Variants in ZNF506 observed in about 807,000 individuals in gnomAD.
ZNF506 encodes zinc finger protein 506.
A neutral mutation model predicts 11.6 loss-of-function variants in ZNF506; 10 were observed. The observed-to-expected ratio is 0.86, with a 90% CI of 0.53 to 1.46. The LOEUF (loss-of-function observed/expected upper bound fraction) is 1.46. Ranked by LOEUF, ZNF506 falls within the 40% of genes most tolerant of loss-of-function variation. The pLI is 0.00. For missense variants in ZNF506, 425 were observed against 521.2 expected, an observed-to-expected ratio of 0.82 and a Z score of 1.80; for synonymous variants, 156 against 173.3, an observed-to-expected ratio of 0.90 and a Z score of 0.78.
At chr19:19,814,439 C>A (rs1460704991) in intron 1 of ZNF506, among the ~76,000 whole-genome samples, 4 of 78,762 alleles carry the variant, frequency 5.1e-5, no homozygotes, top group Non-Finnish European at 1.0e-4. Flanking sequence ...AATAATAATG[C>A]AGAAACAGAA....
chr19:19,807,716 T>C (rs1481639031), intron 1 of ZNF506, among the ~76,000 whole-genome samples: 3 of 151,890 alleles, frequency 2.0e-5, no homozygotes, highest in Non-Finnish European at 2.9e-5. Flanking sequence ...TCCATGTTGG[T>C]CAGGCTGCTC....
At chr19:19,819,109 G>A (rs2062952506) in intron 1 of ZNF506, among the ~76,000 whole-genome samples, 1 of 152,126 alleles carries the variant, frequency 6.6e-6, no homozygotes, top group South Asian at 2.1e-4. Context: ...TACCCTCCCA[G>A]GAGACACCGC....
chr19:19,806,159 G>A (rs2062834383), intron 2 of ZNF506, 33 bp from the exon 3 acceptor site: 1 of 1,491,422 alleles, frequency 6.7e-7, no homozygotes, highest in South Asian at 1.2e-5. Flanking sequence ...TATGAATCTT[G>A]CTCATATTCT....
rs2062731907 is a variant in ZNF506 at position 19,795,382 on chromosome 19, CA to C, written c.504del (p.Gly169GlufsTer8). Reference protein sequence around the residue: ...SNSNKHKIRDTGKKSFKCIEY... With the variant: ...SNSNKHKIRDXGKKSFKCIEY... ...TCTATACATTTAAAAGATTTTTTTC[CA>C]GTATCTCTTATCTTATGTTTGTTTG... On this transcript the variant is annotated frameshift_variant, in exon 4 of 4. Transcript: ENST00000540806. LOFTEE classifies it low-confidence loss of function (END_TRUNC). 1 of 1,606,658 alleles carries C rather than the reference CA, an allele frequency of 6.2e-7. No homozygotes were observed. Among genetic ancestry groups the C allele is most frequent in the African/African-American group, 1.3e-5 (1 of 74,498 alleles).
At chr19:19,819,110 G>T (rs563150157) in intron 1 of ZNF506, among the ~76,000 whole-genome samples, 5 of 152,208 alleles carry the variant, frequency 3.3e-5, no homozygotes, top group African/African-American at 9.6e-5. Flanking sequence ...ACCCTCCCAG[G>T]AGACACCGCG....
chr19:19,799,161 T>A, intron 3 of ZNF506: 1 of 285,086 alleles, frequency 3.5e-6, no homozygotes, highest in Non-Finnish European at 6.4e-6. Flanking sequence ...TATGACAAAT[T>A]TGTTTATCCA....
intron 3 of ZNF506, among the ~76,000 whole-genome samples, chr19:19,805,284 C>CA (rs1000364193): frequency 1.3e-4 from 19 of 148,514 alleles, no homozygotes; most frequent in East Asian, 2.0e-4. Context: ...GGAGGTAATA[C>CA]AAAAAAAAAG....
At chr19:19,815,353 T>C (rs1461639105) in intron 1 of ZNF506, among the ~76,000 whole-genome samples, 2 of 152,108 alleles carry the variant, frequency 1.3e-5, no homozygotes, top group African/African-American at 2.4e-5. Flanking sequence ...GACATGTCAA[T>C]GTCTAGTGTG....
chr19:19,811,191 A>G (rs1165295983), intron 1 of ZNF506, among the ~76,000 whole-genome samples: 1 of 152,100 alleles, frequency 6.6e-6, no homozygotes, highest in East Asian at 1.9e-4. Flanking sequence ...ATGCAGTCTC[A>G]CTCTGTCACC....
intron 3 of ZNF506, 81 bp from the exon 4 acceptor site, chr19:19,795,741 T>C: frequency 3.8e-6 from 5 of 1,309,666 alleles, no homozygotes; most frequent in Non-Finnish European, 5.1e-6. Context: ...TATAAAATTA[T>C]ACAAACTACG....
chr19:19,797,710 C>T (rs894192554), intron 3 of ZNF506: 2 of 151,950 alleles, frequency 1.3e-5, no homozygotes, highest in African/African-American at 2.4e-5. Context: ...AAACAAAATT[C>T]CAAAAATCAC....
At position 19,811,439 on chromosome 19, in the gene ZNF506, G is replaced by A. The variant is rs565637143; in HGVS notation, c.4-4371C>T. On this transcript the variant is annotated intron_variant, in intron 1 of 3. Transcript: ENST00000540806. ...TCTCAAGTGCTGGGAATACAGGCAT[G>A]AGCCACTGTGCCTGGCCTTTCTAGG... Among the ~76,000 whole-genome samples the A allele has an allele frequency of 1.8e-4, 28 of 152,314 alleles. No individual in the cohort carries two copies. The South Asian group carries it at 5.8e-3, about 32-fold the overall frequency.
chr19:19,809,617 C>T (rs538105059), intron 1 of ZNF506, among the ~76,000 whole-genome samples: 1 of 152,306 alleles, frequency 6.6e-6, no homozygotes, highest in African/African-American at 2.4e-5. Context: ...AAAAGGTTAA[C>T]CCATTTCTGT....
At chr19:19,809,301 T>C (rs867475426) in intron 1 of ZNF506, among the ~76,000 whole-genome samples, 2 of 152,210 alleles carry the variant, frequency 1.3e-5, no homozygotes, top group African/African-American at 2.4e-5. Flanking sequence ...TCAGAGACCC[T>C]TGACTATCAT....
At chr19:19,798,321 A>G (rs2062759618) in intron 3 of ZNF506, 1 of 152,178 alleles carries the variant, frequency 6.6e-6, no homozygotes, top group African/African-American at 2.4e-5. Context: ...TGGATCTTTT[A>G]GAGGTTTTAG....
At position 19,792,778 on chromosome 19, in the gene ZNF506, G is replaced by T. The variant is rs1160100560; in HGVS notation, c.*1774C>A. ...TTTTGAAAAAAAAAGTTTTAAAATG[G>T]TCTGCCAACATGTTAATGTAGGTTA... On this transcript the variant is annotated 3_prime_UTR_variant, in exon 4 of 4. Transcript: ENST00000540806. 6.6e-6 allele frequency among the ~76,000 whole-genome samples: 1 copy of T among 151,378 alleles called. No individual in the cohort carries two copies. The highest frequency in any genetic ancestry group is 6.6e-5 in the Admixed American group (1 of 15,214).
chr19:19,808,700 G>A (rs1054341542), intron 1 of ZNF506, among the ~76,000 whole-genome samples: 6 of 151,126 alleles, frequency 4.0e-5, no homozygotes, highest in East Asian at 2.0e-4. Context: ...AAAATTAGCC[G>A]GGCGTGGTGG....
At chr19:19,811,055 G>C (rs2062879263) in intron 1 of ZNF506, among the ~76,000 whole-genome samples, 1 of 151,972 alleles carries the variant, frequency 6.6e-6, no homozygotes, top group South Asian at 2.1e-4. Flanking sequence ...TAAAAGAAAT[G>C]TAAATCCAGA....
intron 1 of ZNF506, among the ~76,000 whole-genome samples, chr19:19,818,569 C>A (rs1302964503): frequency 6.6e-6 from 1 of 152,116 alleles, no homozygotes; most frequent in East Asian, 1.9e-4. Context: ...TGAACTCACT[C>A]TGGGAAAGAA....
Sources: gnomAD v4.1 joint callset for allele counts (sites outside exome capture counted in the v4.1 genomes callset) on GRCh38, gnomAD v4.1.1 for gene constraint, MANE v1.5 for transcripts, NCBI Gene and HGNC (gene_info 2026-07-23, HGNC 2026-07-21) for gene names.